GPN1: variants seen among roughly 807,000 people sequenced by gnomAD.
GPN1 encodes GPN-loop GTPase 1.
GPN1 carries 44 observed loss-of-function variants against 55.9 expected under a neutral mutation model. That is an observed-to-expected ratio of 0.79 (90% confidence interval 0.62 to 1.01). The LOEUF (loss-of-function observed/expected upper bound fraction) is 1.01. Ranked by LOEUF, GPN1 falls within the 50% of genes least tolerant of loss-of-function variation. GPN1 has a pLI of 0.00. For synonymous variants in GPN1, 179 were observed against 162.5 expected, an observed-to-expected ratio of 1.10 and a Z score of -0.77; for missense variants, 466 against 462.8, an observed-to-expected ratio of 1.01 and a Z score of -0.06.
chr2:27,631,630 C>A (rs745314094), intron 3 of GPN1: 25 of 586,528 alleles, frequency 4.3e-5, no homozygotes, highest in East Asian at 3.7e-4. Context: ...TTTGCCTGAC[C>A]ACTCCTTAAA....
chr2:27,629,976 T>C (rs749937403), intron 2 of GPN1, 24 bp downstream of exon 2: 1 of 1,244,694 alleles, frequency 8.0e-7, no homozygotes, highest in Non-Finnish European at 1.2e-6. Flanking sequence ...TAACATAACT[T>C]GTGTGCAGTG....
intron 12 of GPN1, 43 bp from the exon 13 acceptor site, chr2:27,647,793 C>A: frequency 8.7e-7 from 1 of 1,144,044 alleles, no homozygotes; most frequent in Admixed American, 1.7e-5. Flanking sequence ...TTCAAGATCA[C>A]CTTTTTGAGG....
chr2:27,631,286 A>C, intron 3 of GPN1: 1 of 568,222 alleles, frequency 1.8e-6, no homozygotes, highest in Non-Finnish European at 3.1e-6. Context: ...ATTAAAGAGC[A>C]GAGAGTATGA....
At chr2:27,638,530 G>A (rs1207195192) in intron 8 of GPN1, among the ~76,000 whole-genome samples, 1 of 152,180 alleles carries the variant, frequency 6.6e-6, no homozygotes, top group Non-Finnish European at 1.5e-5. Context: ...ATTACGAGAG[G>A]GACAACTAGT....
chr2:27,630,061 G>A, intron 2 of GPN1, 109 bp downstream of exon 2: 2 of 698,800 alleles, frequency 2.9e-6, no homozygotes, highest in Non-Finnish European at 5.3e-6. Context: ...GCCGAGGCAG[G>A]TAGATCACGA....
At chr2:27,638,612 G>A (rs1447931555) in intron 8 of GPN1, among the ~76,000 whole-genome samples, 2 of 152,098 alleles carry the variant, frequency 1.3e-5, no homozygotes, top group African/African-American at 2.4e-5. Flanking sequence ...GAGACCTTTT[G>A]ACTTCAGAGC....
chr2:27,632,734 G>A, intron 5 of GPN1, 64 bp downstream of exon 5: 1 of 1,026,810 alleles, frequency 9.7e-7, no homozygotes, highest in Non-Finnish European at 1.5e-6. Flanking sequence ...GCTTCATGGA[G>A]GATCTGGGAT....
chr2:27,637,603 A>G (rs1225644574), intron 7 of GPN1, among the ~76,000 whole-genome samples: 2 of 152,380 alleles, frequency 1.3e-5, no homozygotes, highest in East Asian at 3.9e-4. Context: ...ACAAATAAAA[A>G]TTGTATATAT....
intron 9 of GPN1, among the ~76,000 whole-genome samples, chr2:27,639,269 TGTA>T (rs1673851631): frequency 6.6e-6 from 1 of 152,210 alleles, no homozygotes; most frequent in Non-Finnish European, 1.5e-5. Context: ...TATGATATAT[TGTA>T]GTAAGTACCT....
chr2:27,638,863 A>G, intron 8 of GPN1, 22 bp from the exon 9 acceptor site: 12 of 1,583,506 alleles, frequency 7.6e-6, no homozygotes, highest in Non-Finnish European at 1.0e-5. Flanking sequence ...GGTTGCTCAT[A>G]ATTGACTTCT....
intron 12 of GPN1, among the ~76,000 whole-genome samples, chr2:27,646,240 C>A (rs755354948): frequency 2.0e-5 from 3 of 152,100 alleles, no homozygotes; most frequent in Non-Finnish European, 2.9e-5. Context: ...CAGGGTTTTG[C>A]CATGTTGGCC....
At chr2:27,642,375 A>C in intron 11 of GPN1, 54 bp from the exon 12 acceptor site, 2 of 1,045,284 alleles carry the variant, frequency 1.9e-6, no homozygotes, top group South Asian at 2.6e-5. Flanking sequence ...GAAGTCTGGC[A>C]TCTAATTTGG....
In GPN1 at chr2:27,635,152, C is replaced by G. The variant is rs1673683456; in HGVS notation, c.442C>G (p.Pro148Ala). 1.3e-6 allele frequency: 2 copies of G among 1,593,666 alleles called. No individual in the cohort carries two copies. Among genetic ancestry groups the G allele is most frequent in the Non-Finnish European group, 1.7e-6 (2 of 1,163,418 alleles). ...TTTGTGGCTTTAGGCATCCTCATTT[C>G]CAACAGTTGTCATCTATGTAATGGA... ...IITEALASSF[P>A]TVVIYVMDTS... Residue 148 changes from proline to alanine, a missense_variant, in exon 7 of 14, where the codon CCA becomes GCA. Pro to Ala is a conservative substitution (Grantham distance 27). Coordinates refer to ENST00000610189, the MANE Select transcript of GPN1 (RefSeq NM_007266.4).
chr2:27,641,864 G>A (rs2148075175), intron 11 of GPN1, among the ~76,000 whole-genome samples: 1 of 152,260 alleles, frequency 6.6e-6, no homozygotes, highest in Non-Finnish European at 1.5e-5. Flanking sequence ...CTCCTGTAGT[G>A]CTAGGATTAC....
chr2:27,641,731 C>G (rs1361233763), intron 11 of GPN1, among the ~76,000 whole-genome samples: 1 of 152,134 alleles, frequency 6.6e-6, no homozygotes, highest in African/African-American at 2.4e-5. Flanking sequence ...GTAGCTAGGA[C>G]AACATGTATG....
chr2:27,630,528 G>A (rs1334809955), intron 2 of GPN1, among the ~76,000 whole-genome samples: 1 of 151,338 alleles, frequency 6.6e-6, no homozygotes, highest in Non-Finnish European at 1.5e-5. Flanking sequence ...GCTATGCTGG[G>A]CTAGTTTTGT....
intron 7 of GPN1, among the ~76,000 whole-genome samples, chr2:27,635,815 CGAGA>C (rs144683008): frequency 6.6e-6 from 1 of 151,238 alleles, no homozygotes; most frequent in Non-Finnish European, 1.5e-5. Context: ...CCTGGGGCAA[CGAGA>C]GAGAGAGAGA....
rs777156761 is a variant in GPN1 at position 27,629,180 on chromosome 2, C to G, written c.111+11C>G. ...ACCACTTTTGTACAGGTGACGTACA[C>G]AGCATGGGTGTAGTAGGGGAGCGCA... On this transcript the variant is annotated intron_variant, in intron 1 of 13. Coordinates refer to ENST00000610189, the MANE Select transcript of GPN1 (RefSeq NM_007266.4). 2 of 1,613,662 alleles carry G rather than the reference C, an allele frequency of 1.2e-6. No homozygotes were observed.
intron 5 of GPN1, among the ~76,000 whole-genome samples, chr2:27,633,527 G>C (rs1484996087): frequency 6.6e-6 from 1 of 152,124 alleles, no homozygotes; most frequent in Admixed American, 6.5e-5. Flanking sequence ...CTAGGCTGGA[G>C]TGCAGTGGTG....
Sources: allele counts gnomAD v4.1 joint callset (sites outside exome capture counted in the v4.1 genomes callset), GRCh38; gene constraint gnomAD v4.1.1; transcripts MANE v1.5; gene names NCBI Gene and HGNC (gene_info 2026-07-23, HGNC 2026-07-21).